The following LIMK2 variants were observed in gnomAD, a reference collection of about 807,000 sequenced individuals.
The protein encoded by LIMK2 is LIM domain kinase 2.
In LIMK2, 35 loss-of-function variants were observed where a neutral mutation model predicts 75.7. That is an observed-to-expected ratio of 0.46 (90% CI 0.35 to 0.61). The LOEUF (loss-of-function observed/expected upper bound fraction) is 0.61, where lower values mean the gene tolerates loss of function less well. Among genes scored for constraint, LIMK2 ranks in the 20% least tolerant of loss-of-function variants. The probability of loss-of-function intolerance (pLI) is 0.00; values close to 1 mark genes in which losing one functional copy is unlikely to be tolerated. For synonymous variants in LIMK2, 301 were observed against 319.2 expected (o/e 0.94, Z 0.61); for missense variants, 623 against 831.0 (o/e 0.75, Z 3.08).
At chr22:31,215,571 G>A (rs1235306222) in intron 1 of LIMK2, among the ~76,000 whole-genome samples, 1 of 152,202 alleles carries the variant, frequency 6.6e-6, no homozygotes, top group Non-Finnish European at 1.5e-5. Flanking sequence ...TAAGACTTCT[G>A]CAGTGTTCTT....
intron 2 of LIMK2, chr22:31,248,528 T>C: frequency 6.3e-7 from 1 of 1,583,634 alleles, no homozygotes; most frequent in Non-Finnish European, 8.6e-7. Flanking sequence ...GGGAATCTGC[T>C]GGGGGCCAAG....
At position 31,276,719 on chromosome 22, in the gene LIMK2, G is replaced by A. The variant is rs1260291289; in HGVS notation, c.1772+1411G>A. ...CGGACAGCGGCACCGCGGGGGGCGC[G>A]GCGTTGGCGGCCCCGGCCCCGGCCC... On this transcript the variant is annotated intron_variant, in intron 15 of 15. Coordinates refer to ENST00000331728, the MANE Select transcript of LIMK2 (RefSeq NM_005569.4). 6 of 1,427,364 alleles carry A rather than the reference G, an allele frequency of 4.2e-6. No homozygotes were observed. In the South Asian group the frequency reaches 5.9e-5, roughly 14 times the overall value. 88.4% of individuals were successfully genotyped at this position (1,427,364 alleles called of 1,614,324 possible).
chr22:31,240,043 C>T (rs2048611511), intron 2 of LIMK2, among the ~76,000 whole-genome samples: 2 of 152,180 alleles, frequency 1.3e-5, no homozygotes, highest in South Asian at 2.1e-4. Context: ...CTGTAGCAAC[C>T]TGCTGTGCTT....
At chr22:31,276,467 C>CCGG (rs965544618) in intron 15 of LIMK2, among the ~76,000 whole-genome samples, 1 of 147,140 alleles carries the variant, frequency 6.8e-6, no homozygotes, top group African/African-American at 2.5e-5. Context: ...GGCGGCAGCC[C>CCGG]CGGCGGCGGC....
intron 12 of LIMK2, 61 bp downstream of exon 12, chr22:31,271,262 C>G: frequency 6.9e-7 from 1 of 1,441,806 alleles, no homozygotes; most frequent in Non-Finnish European, 9.8e-7. Context: ...TTCCTTGTCA[C>G]AAAGGAGGCT....
chr22:31,237,487 C>G (rs948354627), intron 2 of LIMK2, among the ~76,000 whole-genome samples: 1 of 151,314 alleles, frequency 6.6e-6, no homozygotes, highest in Non-Finnish European at 1.5e-5. Context: ...TAGCTTGAAC[C>G]TGGGAGATGG....
chr22:31,231,324 A>G (rs2048526476), intron 2 of LIMK2, among the ~76,000 whole-genome samples: 1 of 152,242 alleles, frequency 6.6e-6, no homozygotes, highest in Non-Finnish European at 1.5e-5. Context: ...CTCCTGATGT[A>G]GAGTCAGTGG....
intron 2 of LIMK2, among the ~76,000 whole-genome samples, chr22:31,247,833 T>C (rs148429915): frequency 9.1e-4 from 139 of 152,292 alleles, no homozygotes; most frequent in African/African-American, 3.2e-3. Context: ...GTTTCCTTAT[T>C]TGCAACACAG....
chr22:31,238,515 A>C (rs1163276233), intron 2 of LIMK2, among the ~76,000 whole-genome samples: 1 of 152,160 alleles, frequency 6.6e-6, no homozygotes, highest in African/African-American at 2.4e-5. Context: ...ACCATCACAG[A>C]ATGTCTACAC....
chr22:31,270,731 A>G (rs1349280294), intron 11 of LIMK2, among the ~76,000 whole-genome samples: 1 of 152,230 alleles, frequency 6.6e-6, no homozygotes, highest in Admixed American at 6.5e-5. Context: ...GCAGGCAGGA[A>G]GGATCCAAAG....
chr22:31,263,818 C>T (rs924582725), intron 7 of LIMK2, among the ~76,000 whole-genome samples: 2 of 152,162 alleles, frequency 1.3e-5, no homozygotes, highest in Admixed American at 1.3e-4. Context: ...GGCCACATTC[C>T]TGTCTCTACA....
chr22:31,252,062 GTTCTTTTACCCCATAAGGTTGAGAAT>G (rs1260936830), intron 2 of LIMK2, among the ~76,000 whole-genome samples: 2 of 152,122 alleles, frequency 1.3e-5, no homozygotes, highest in Non-Finnish European at 2.9e-5. Flanking sequence ...ATAATGACTG[GTTCTTTTACCCCATAAGGTTGAGAAT>G]TTACCTGTAA....
chr22:31,226,648 C>T (rs530902348), intron 2 of LIMK2, among the ~76,000 whole-genome samples: 16 of 146,156 alleles, frequency 1.1e-4, no homozygotes, highest in Admixed American at 6.1e-4. Flanking sequence ...CTCGCTCTGT[C>T]GCCCAGGCTG....
chr22:31,219,696 C>T (rs1311184760), intron 1 of LIMK2, among the ~76,000 whole-genome samples: 3 of 152,140 alleles, frequency 2.0e-5, no homozygotes, highest in Non-Finnish European at 4.4e-5. Context: ...TTCAGCCTCC[C>T]GAGTAGCTGG....
chr22:31,265,153 C>T lies in LIMK2; in HGVS notation c.855-793C>T, dbSNP rs1241391214. 6.7e-5 allele frequency among the ~76,000 whole-genome samples: 9 copies of T among 133,798 alleles called. No individual in the cohort carries two copies. The East Asian group carries it at 1.6e-3, about 24-fold the overall frequency. 87.8% of individuals were successfully genotyped at this position (133,798 alleles called of 152,430 possible). A position where few individuals can be genotyped will look rare whatever the true frequency, so the allele number is the denominator to read the frequency against. ...AGGTTGCAGTGAGTGGAGATCCCGCCGTTGCACTCCAGCCTGGGCGACAGA... is the reference window on the plus strand; with the variant it reads ...AGGTTGCAGTGAGTGGAGATCCCGCTGTTGCACTCCAGCCTGGGCGACAGA... On this transcript the variant is annotated intron_variant, in intron 7 of 15. Transcript: ENST00000331728.
At chr22:31,264,512 G>C (rs750117658) in intron 7 of LIMK2, among the ~76,000 whole-genome samples, 1 of 152,164 alleles carries the variant, frequency 6.6e-6, no homozygotes, top group Non-Finnish European at 1.5e-5. Context: ...GACTATTATC[G>C]ACCGCTTTTG....
In LIMK2 at chr22:31,244,091, AC is replaced by A. The variant is rs528163846; in HGVS notation, c.117-14197del. On this transcript the variant is annotated intron_variant, in intron 2 of 15. Transcript: ENST00000331728. ...TGAGATGTCCTCTCACTTATTCCCC[AC>A]CCACCCACCAAGTCCTTTGTAAGAG... Among the ~76,000 whole-genome samples, 30 of 152,110 alleles carry A rather than the reference AC, an allele frequency of 2.0e-4. No homozygotes were observed. The East Asian group carries it at 5.4e-3, about 28-fold the overall frequency.
At chr22:31,276,649 A>G in intron 15 of LIMK2, 3 of 1,009,674 alleles carry the variant, frequency 3.0e-6, no homozygotes, top group Non-Finnish European at 3.6e-6. Flanking sequence ...GCGGCGGCAC[A>G]AGGAGGGGCC....
At chr22:31,273,370 T>A in intron 13 of LIMK2, 82 bp from the exon 14 acceptor site, 1 of 1,258,352 alleles carries the variant, frequency 7.9e-7, no homozygotes, top group Non-Finnish European at 1.2e-6. Flanking sequence ...AGTTCTTAGC[T>A]GTGGCTTAGA....
Sources: allele counts gnomAD v4.1 joint callset (sites outside exome capture counted in the v4.1 genomes callset), GRCh38; gene constraint gnomAD v4.1.1; transcripts MANE v1.5; gene names NCBI Gene and HGNC (gene_info 2026-07-23, HGNC 2026-07-21).